Variants in CCDC3 observed in about 807,000 individuals in gnomAD.
The protein encoded by CCDC3 is coiled-coil domain-containing protein 3.
CCDC3 carries 24 observed loss-of-function variants against 21.4 expected under a neutral mutation model. The observed-to-expected ratio is 1.12, with a 90% confidence interval of 0.81 to 1.58. CCDC3 has a LOEUF of 1.58. CCDC3 is among the 40% of genes most tolerant of loss of function. CCDC3 has a pLI of 0.00. For synonymous variants in CCDC3, 186 were observed against 166.0 expected (o/e 1.12, Z -0.93); for missense variants, 425 against 360.9 (o/e 1.18, Z -1.44).
At chr10:13,048,502 G>C (rs1836562388) in intron 5 of CCDC3, among the ~76,000 whole-genome samples, 1 of 152,022 alleles carries the variant, frequency 6.6e-6, no homozygotes, top group African/African-American at 2.4e-5. Flanking sequence ...AGGGTCCCAA[G>C]TTTTTATTCT....
At chr10:13,010,018 C>T (rs565460227) in intron 5 of CCDC3, among the ~76,000 whole-genome samples, 11 of 152,104 alleles carry the variant, frequency 7.2e-5, no homozygotes, top group Admixed American at 2.6e-4. Flanking sequence ...GAGGCTGAGG[C>T]GGTTGGATCA....
At chr10:12,906,140 G>A (rs1479873301) in intron 2 of CCDC3, among the ~76,000 whole-genome samples, 2 of 152,166 alleles carry the variant, frequency 1.3e-5, no homozygotes, top group East Asian at 1.9e-4. Context: ...TGAATGACTC[G>A]ACAGGACCAC....
chr10:12,973,618 G>A (rs1321421765), intron 2 of CCDC3, among the ~76,000 whole-genome samples: 1 of 152,214 alleles, frequency 6.6e-6, no homozygotes, highest in African/African-American at 2.4e-5. Context: ...ATGATAAGGT[G>A]TCAGTTTCCT....
At chr10:12,904,286 G>GGGA in intron 2 of CCDC3, among the ~76,000 whole-genome samples, 1 of 151,944 alleles carries the variant, frequency 6.6e-6, no homozygotes, top group African/African-American at 2.4e-5. Context: ...GGGAAACACA[G>GGGA]GGAGACCCCA....
chr10:13,065,431 T>C (rs550124576), intron 4 of CCDC3, among the ~76,000 whole-genome samples: 77 of 152,342 alleles, frequency 5.1e-4, no homozygotes, highest in African/African-American at 1.8e-3. Context: ...AAGGAGATGA[T>C]GTTGCTGATT....
At chr10:12,978,266 G>A (rs1229057490) in intron 2 of CCDC3, among the ~76,000 whole-genome samples, 1 of 152,090 alleles carries the variant, frequency 6.6e-6, no homozygotes, top group Non-Finnish European at 1.5e-5. Flanking sequence ...TGATCCACAC[G>A]CCTCAGCCTC....
intron 2 of CCDC3, among the ~76,000 whole-genome samples, chr10:12,931,208 CAAAAAAA>C (rs67541166): frequency 1.3e-3 from 99 of 75,050 alleles, no homozygotes; most frequent in South Asian, 9.2e-3. Flanking sequence ...AAGACTCTGT[CAAAAAAA>C]AAAAAAAAAA....
In CCDC3 at chr10:12,919,325, C is replaced by G. The variant is rs111558245; in HGVS notation, c.550-20646G>C. Among the ~76,000 whole-genome samples, 1,350 of 152,104 alleles carry G rather than the reference C, an allele frequency of 8.9e-3. 17 individuals are homozygous for G. Among genetic ancestry groups the G allele is most frequent in the African/African-American group, 0.031 (1,276 of 41,492 alleles). ...GTACTATTGGCCAGGCAAGGTGGCT[C>G]ACGCCTGTAATCCCAGCACTTTGGG... On this transcript the variant is annotated intron_variant, in intron 2 of 2. Coordinates refer to ENST00000378825, the MANE Select transcript of CCDC3 (RefSeq NM_031455.4).
chr10:13,057,737 G>A (rs1451135249), intron 4 of CCDC3, among the ~76,000 whole-genome samples: 2 of 151,982 alleles, frequency 1.3e-5, no homozygotes, highest in East Asian at 1.9e-4. Context: ...AAATTAGCTG[G>A]GCGTGGTGGT....
At chr10:13,055,410 C>A (rs1421926582) in intron 4 of CCDC3, among the ~76,000 whole-genome samples, 1 of 151,770 alleles carries the variant, frequency 6.6e-6, no homozygotes, top group Non-Finnish European at 1.5e-5. Context: ...TAGCTCACTG[C>A]AGCTTCAGAC....
chr10:13,013,302 A>G (rs938345734), intron 5 of CCDC3, among the ~76,000 whole-genome samples: 1 of 152,236 alleles, frequency 6.6e-6, no homozygotes, highest in Non-Finnish European at 1.5e-5. Flanking sequence ...GGACATGAAA[A>G]TTCTGATTAG....
At chr10:13,083,549 A>C (rs1837067995) in intron 3 of CCDC3, among the ~76,000 whole-genome samples, 1 of 152,256 alleles carries the variant, frequency 6.6e-6, no homozygotes, top group Non-Finnish European at 1.5e-5. Context: ...AAATGTGCTC[A>C]CAGGCACATA....
At chr10:12,917,491 C>T (rs1036911203) in intron 2 of CCDC3, among the ~76,000 whole-genome samples, 7 of 152,078 alleles carry the variant, frequency 4.6e-5, no homozygotes, top group South Asian at 2.1e-4. Flanking sequence ...CCACTGCGCC[C>T]GGCCAGAAAT....
intron 2 of CCDC3, among the ~76,000 whole-genome samples, chr10:12,900,187 C>G (rs140845657): frequency 6.6e-6 from 1 of 152,278 alleles, no homozygotes; most frequent in East Asian, 1.9e-4. Flanking sequence ...GTTACCCAGT[C>G]TCAGGTATGT....
chr10:12,986,693 G>GA (rs780100322), intron 2 of CCDC3, among the ~76,000 whole-genome samples: 50 of 151,684 alleles, frequency 3.3e-4, no homozygotes, highest in Middle Eastern at 6.8e-3. Flanking sequence ...AGAATGGCGT[G>GA]ACGCGGGAGG....
At chr10:13,083,898 AC>A (rs1837072614) in intron 3 of CCDC3, among the ~76,000 whole-genome samples, 1 of 152,118 alleles carries the variant, frequency 6.6e-6, no homozygotes, top group Admixed American at 6.5e-5. Context: ...TGCGAGGAGC[AC>A]CCTTTCTGCA....
chr10:12,897,295 A>G lies in CCDC3; in HGVS notation c.*1121T>C, dbSNP rs540282731. The G allele has an allele frequency of 6.6e-5, 10 of 152,374 alleles. No homozygotes were observed. Among genetic ancestry groups the G allele is most frequent in the Admixed American group, 3.9e-4 (6 of 15,308 alleles). The allele number at this position is 152,374 out of a possible 1,614,324, so 9.4% of individuals were successfully genotyped here. On this transcript the variant is annotated 3_prime_UTR_variant, in exon 3 of 3. Transcript: ENST00000378825. ...AAGTCTAGTGAATACTCTCATTTTT[A>G]CTTATAGTAGTGTCTTAAAAGTTTT...
chr10:12,927,584 C>CAA (rs72098756), intron 2 of CCDC3, among the ~76,000 whole-genome samples: 12 of 149,926 alleles, frequency 8.0e-5, no homozygotes, highest in Non-Finnish European at 1.0e-4. Flanking sequence ...CTACAAATGG[C>CAA]AAAAAAAAAC....
chr10:13,020,897 G>A (rs1441790203), intron 5 of CCDC3, among the ~76,000 whole-genome samples: 1 of 152,082 alleles, frequency 6.6e-6, no homozygotes, highest in Non-Finnish European at 1.5e-5. Flanking sequence ...AAACAATAAT[G>A]AATAAATAAA....
Sources: gnomAD v4.1 joint callset for allele counts (sites outside exome capture counted in the v4.1 genomes callset) on GRCh38, gnomAD v4.1.1 for gene constraint, MANE v1.5 for transcripts, NCBI Gene and HGNC (gene_info 2026-07-23, HGNC 2026-07-21) for gene names.